CDC34: variants seen among roughly 807,000 people sequenced by gnomAD.
CDC34 encodes cell division cycle 34, ubiquitin conjugating enzyme.
CDC34 carries 18 observed loss-of-function variants against 26.8 expected under a neutral mutation model. That is an observed-to-expected ratio of 0.67 (90% confidence interval 0.47 to 1.00). The LOEUF is 1.00. Among genes scored for constraint, CDC34 ranks in the 50% least tolerant of loss-of-function variants. CDC34 has a pLI of 0.00. For synonymous variants in CDC34, 178 were observed against 147.5 expected (o/e 1.21, Z -1.50); for missense variants, 280 against 334.5 (o/e 0.84, Z 1.27).
intron 3 of CDC34, chr19:536,569 G>A: frequency 1.7e-6 from 1 of 582,912 alleles, no homozygotes; most frequent in Non-Finnish European, 3.1e-6. Context: ...CAGGACCCCA[G>A]GCCGGCCCCA....
At chr19:533,293 G>T (rs113037139) in intron 1 of CDC34, among the ~76,000 whole-genome samples, 1 of 152,160 alleles carries the variant, frequency 6.6e-6, no homozygotes, top group Non-Finnish European at 1.5e-5. Context: ...GGCCCGGCCC[G>T]CTCTGCCCCG....
intron 3 of CDC34, 109 bp from the exon 4 acceptor site, chr19:536,904 A>T: frequency 1.6e-6 from 2 of 1,273,042 alleles, no homozygotes; most frequent in East Asian, 2.3e-5. Context: ...GGCCAGGTGA[A>T]GGTCACCTGC....
rs1437608422 is a variant in CDC34, at chr19:540,036, G to C, written c.498-1303G>C. Among the ~76,000 whole-genome samples the C allele has an allele frequency of 8.4e-5, 11 of 131,214 alleles. 1 individual carries two copies. The highest frequency in any genetic ancestry group is 1.7e-4 in the Non-Finnish European group (10 of 57,956). 86.1% of individuals were successfully genotyped at this position (131,214 alleles called of 152,430 possible). A position where few individuals can be genotyped will look rare whatever the true frequency, so the allele number is the denominator to read the frequency against. On this transcript the variant is annotated intron_variant, in intron 4 of 4. Coordinates refer to ENST00000215574, the MANE Select transcript of CDC34 (RefSeq NM_004359.2). Reference sequence around the variant, plus strand: ...GGTTTAGAATCCGGAGGCCGGGGTGGCCAGGCCCCCCACGTTTAGAATCCG... The same window carrying C: ...GGTTTAGAATCCGGAGGCCGGGGTGCCCAGGCCCCCCACGTTTAGAATCCG...
intron 4 of CDC34, among the ~76,000 whole-genome samples, chr19:537,962 G>T (rs1320606952): frequency 6.6e-6 from 1 of 152,208 alleles, no homozygotes; most frequent in Non-Finnish European, 1.5e-5. Context: ...TGGCCTGGTG[G>T]TTAGTGTTTT....
At chr19:538,801 C>A in intron 4 of CDC34, 1 of 985,274 alleles carries the variant, frequency 1.0e-6, no homozygotes, top group Non-Finnish European at 1.2e-6. Flanking sequence ...GTGGGCGGGC[C>A]CCGTGCGGCC....
At chr19:532,177 C>G in intron 1 of CDC34, 69 bp downstream of exon 1, 2 of 1,298,004 alleles carry the variant, frequency 1.5e-6, no homozygotes, top group Non-Finnish European at 2.0e-6. Context: ...AACCAGCTCC[C>G]TGCCCCGCGG....
chr19:539,063 C>T lies in CDC34; in HGVS notation c.497+1916C>T, dbSNP rs575989648. 21 of 946,908 alleles carry T rather than the reference C, an allele frequency of 2.2e-5. No individual in the cohort carries two copies. The South Asian group carries it at 3.9e-4, about 18-fold the overall frequency. 58.7% of individuals were successfully genotyped at this position (946,908 alleles called of 1,614,324 possible). On this transcript the variant is annotated intron_variant, in intron 4 of 4. Transcript: ENST00000215574. ...TCCCTGTGGGCCAACACACATGTGCCATGTGGACTCTGCTGTGGTCGCCGT... is the reference window on the plus strand; with the variant it reads ...TCCCTGTGGGCCAACACACATGTGCTATGTGGACTCTGCTGTGGTCGCCGT...
Position 531,905 on chromosome 19 carries a change from CCGA to C in CDC34, c.-25_-23del. The C allele has an allele frequency of 7.2e-7, 1 of 1,380,312 alleles. No individual in the cohort carries two copies. The highest frequency in any genetic ancestry group is 4.0e-5 in the Admixed American group (1 of 24,736). 85.5% of individuals were successfully genotyped at this position (1,380,312 alleles called of 1,614,324 possible). A position where few individuals can be genotyped will look rare whatever the true frequency, so the allele number is the denominator to read the frequency against. ...GGTGGTCGCGCGGCCCCGCGCTGCTCCGACCCCGGGCCCCTCCGCCGCCGCCAT... is the reference window on the plus strand; with the variant it reads ...GGTGGTCGCGCGGCCCCGCGCTGCTCCCCCGGGCCCCTCCGCCGCCGCCAT... On this transcript the variant is annotated 5_prime_UTR_variant, in exon 1 of 5. Transcript: ENST00000215574.
At chr19:538,485 C>T (rs561336514) in intron 4 of CDC34, among the ~76,000 whole-genome samples, 15 of 152,142 alleles carry the variant, frequency 9.9e-5, no homozygotes, top group Middle Eastern at 3.4e-3. Flanking sequence ...TACGGGTTGA[C>T]GGCCTTAATG....
At position 535,842 on chromosome 19, in the gene CDC34, C is replaced by T. The variant is rs1301134234; in HGVS notation, c.183C>T (p.Arg61=). 2 of 1,613,638 alleles carry T rather than the reference C, an allele frequency of 1.2e-6. No homozygotes were observed. Among genetic ancestry groups the T allele is most frequent in the Admixed American group, 1.7e-5 (1 of 60,030 alleles). ...CCTGCCTTCTGCCCCTGCAGGCGCG[C>T]CTCAAGTTCCCCATCGACTACCCAT... ...TYYEGGYFKA[R]LKFPIDYPYS... Residue 61 remains arginine, a synonymous_variant, in exon 2 of 5, where the codon CGC becomes CGT. Transcript: ENST00000215574.
intron 1 of CDC34, among the ~76,000 whole-genome samples, chr19:535,267 C>T (rs1388289469): frequency 6.6e-6 from 1 of 152,238 alleles, no homozygotes; most frequent in African/African-American, 2.4e-5. Context: ...CCTGCCTGAC[C>T]CCCCAAGACC....
Position 541,712 on chromosome 19 carries a change from G to C in CDC34, c.*160G>C, listed in dbSNP as rs556458993. 5.2e-6 allele frequency: 4 copies of C among 766,954 alleles called. No homozygotes were observed. In the South Asian group the frequency reaches 7.3e-5, roughly 14 times the overall value. The allele number at this position is 766,954 out of a possible 1,614,324, so 47.5% of individuals were successfully genotyped here. A position where few individuals can be genotyped will look rare whatever the true frequency, so the allele number is the denominator to read the frequency against. Reference sequence around the variant, plus strand: ...CCCCATGTCTGTTCTGGGTTTTCACGTGCTTCAGAGAAGAGGGGCTGCCCC... The same window carrying C: ...CCCCATGTCTGTTCTGGGTTTTCACCTGCTTCAGAGAAGAGGGGCTGCCCC... On this transcript the variant is annotated 3_prime_UTR_variant, in exon 5 of 5. Coordinates refer to ENST00000215574, the MANE Select transcript of CDC34 (RefSeq NM_004359.2).
chr19:535,973 G>A (rs754170025), intron 2 of CDC34, 50 bp downstream of exon 2: 56 of 1,541,084 alleles, frequency 3.6e-5, no homozygotes, highest in Admixed American at 1.7e-5. Flanking sequence ...GGGACCCAGG[G>A]TGCTGGGAGC....
At chr19:533,760 C>T (rs951250174) in intron 1 of CDC34, among the ~76,000 whole-genome samples, 10 of 152,314 alleles carry the variant, frequency 6.6e-5, no homozygotes, top group Non-Finnish European at 1.2e-4. Context: ...AGGGAGGGGG[C>T]CTCTAGACAT....
chr19:541,186 C>T (rs997075755), intron 4 of CDC34, 153 bp from the exon 5 acceptor site: 16 of 968,426 alleles, frequency 1.7e-5, no homozygotes, highest in Non-Finnish European at 2.0e-5. Flanking sequence ...CCCTGGAGTT[C>T]CTCACGCACA....
chr19:537,248 T>A, intron 4 of CDC34, 101 bp downstream of exon 4: 1 of 1,376,622 alleles, frequency 7.3e-7, no homozygotes, highest in Non-Finnish European at 1.0e-6. Context: ...CTGGTGAGGG[T>A]GGCGGAGCTT....
chr19:541,607 C>A lies in CDC34; in HGVS notation c.*55C>A. On this transcript the variant is annotated 3_prime_UTR_variant, in exon 5 of 5. Coordinates refer to ENST00000215574, the MANE Select transcript of CDC34 (RefSeq NM_004359.2). ...CTCACTAGGGCCGGACCCGTGGCTC[C>A]TTAGACGACAGACTACCTCACGGAG... 6.7e-7 allele frequency: 1 copy of A among 1,500,090 alleles called. No individual in the cohort carries two copies. Among genetic ancestry groups the A allele is most frequent in the East Asian group, 2.3e-5 (1 of 42,850 alleles). The allele number at this position is 1,500,090 out of a possible 1,614,324, so 92.9% of individuals were successfully genotyped here.
chr19:532,424 G>C (rs1484391020), intron 1 of CDC34, among the ~76,000 whole-genome samples: 2 of 152,312 alleles, frequency 1.3e-5, no homozygotes, highest in Non-Finnish European at 2.9e-5. Context: ...GCATCTGGGC[G>C]TGGGGCTCTT....
intron 2 of CDC34, 86 bp downstream of exon 2, chr19:536,009 C>T (rs1277230360): frequency 9.6e-6 from 13 of 1,349,184 alleles, no homozygotes; most frequent in Middle Eastern, 1.8e-4. Context: ...TTCCGGGACC[C>T]GGGGCGCTGG....
Sources: allele counts gnomAD v4.1 joint callset (sites outside exome capture counted in the v4.1 genomes callset), GRCh38; gene constraint gnomAD v4.1.1; transcripts MANE v1.5; gene names NCBI Gene and HGNC (gene_info 2026-07-23, HGNC 2026-07-21).